The following TNXB variants were observed in gnomAD, a reference collection of about 807,000 sequenced individuals.
TNXB encodes the protein tenascin XB, also known as tenascin-X.
TNXB carries 183 observed loss-of-function variants against 340.5 expected under a neutral mutation model. That is an observed-to-expected ratio of 0.54 (90% CI 0.48 to 0.61). TNXB has a LOEUF of 0.61. TNXB is among the 20% of genes least tolerant of loss of function. The probability of loss-of-function intolerance (pLI) is 0.00; values close to 1 mark genes in which losing one functional copy is unlikely to be tolerated. For synonymous variants in TNXB, 2,121 were observed against 2,314.5 expected (o/e 0.92, Z 2.40); for missense variants, 4,613 against 5,446.4 (o/e 0.85, Z 4.82).
rs1208243428 is a variant in TNXB, at chr6:32,049,471, A to G, written c.9556T>C (p.Trp3186Arg). The stretch of plus-strand genomic sequence containing the variant: ...TCGAAGCGGCCCTGGGGGACGGTCC[A>G]GGAGAGGCTCAGCGAGTCAGGGGAG... ...GSSPDSLSLS[W>R]TVPQGRFDSF... Residue 3186 changes from tryptophan to arginine, a missense_variant, in exon 28 of 44, where the codon TGG (tryptophan) becomes CGG (arginine). By Grantham distance (101) the Trp-to-Arg change is moderately radical (BLOSUM62 -3). Around this residue, in one of 7 missense-constraint regions of TNXB, gnomAD observed 4,327 missense variants for 4,859.4 expected, o/e 0.89. Coordinates refer to ENST00000644971, the MANE Select transcript of TNXB (RefSeq NM_001365276.2). The surrounding 1 kb of genome is among the most constrained non-coding windows in gnomAD (Gnocchi z 4.5). 1 of 1,612,744 alleles carries G rather than the reference A, an allele frequency of 6.2e-7. No homozygotes were observed. Among genetic ancestry groups the G allele is most frequent in the South Asian group, 1.1e-5 (1 of 91,056 alleles).
chr6:32,070,500 C>T lies in TNXB; in HGVS notation c.4991-86G>A, dbSNP rs1206138784. 2.9e-6 allele frequency: 4 copies of T among 1,368,064 alleles called. No individual in the cohort carries two copies. The highest frequency in any genetic ancestry group is 3.9e-6 in the Non-Finnish European group (4 of 1,032,104). The allele number at this position is 1,368,064 out of a possible 1,614,324, so 84.7% of individuals were successfully genotyped here. The stretch of plus-strand genomic sequence containing the variant: ...TGGGGCTGGAAAAACCCAGAACTGC[C>T]CAAATGCTCAGTGCTTCCCCAAAAT... On this transcript the variant is annotated intron_variant, in intron 13 of 43. Coordinates refer to ENST00000644971, the MANE Select transcript of TNXB (RefSeq NM_001365276.2). This position sits in a 1 kb window ranked among gnomAD's most constrained non-coding sequence, Gnocchi z 6.0.
Position 32,048,417 on chromosome 6 carries a change from A to G in TNXB, c.9991T>C (p.Phe3331Leu). The stretch of plus-strand genomic sequence containing the variant: ...TGGCGTTTCCCATTCTGGAGTCCAA[A>G]GAGCAGGAACTTGTACTTGCGGGCC... ...DPARKYKFLLFGLQNGKRHGP... is the reference protein window; with the variant it reads ...DPARKYKFLLLGLQNGKRHGP... The change falls in exon 29 of 44, where the codon TTT becomes CTT. Residue 3331 changes from phenylalanine (F) to leucine (L), a missense_variant. Transcript: ENST00000644971. 1 of 1,547,748 alleles carries G rather than the reference A, an allele frequency of 6.5e-7. No individual in the cohort carries two copies. The highest frequency in any genetic ancestry group is 1.8e-5 in the Admixed American group (1 of 54,180).
rs2151889248 is a variant in TNXB, at chr6:32,047,380, A to C, written c.10324+354T>G. Among the ~76,000 whole-genome samples, 1 of 152,278 alleles carries C rather than the reference A, an allele frequency of 6.6e-6. No homozygotes were observed. The highest frequency in any genetic ancestry group is 2.4e-5 in the African/African-American group (1 of 41,556). On this transcript the variant is annotated intron_variant, in intron 30 of 43. Coordinates refer to ENST00000644971, the MANE Select transcript of TNXB (RefSeq NM_001365276.2). This position sits in a 1 kb window ranked among gnomAD's most constrained non-coding sequence, Gnocchi z 6.2. ...GTCAGGGAGGAGGGAGGAGGATGGGAACCACTACTGAGTCCAGCGCCATTC... is the reference window on the plus strand; with the variant it reads ...GTCAGGGAGGAGGGAGGAGGATGGGCACCACTACTGAGTCCAGCGCCATTC...
At chr6:32,107,176 A>G (rs956000507) in intron 1 of TNXB, among the ~76,000 whole-genome samples, 2 of 152,148 alleles carry the variant, frequency 1.3e-5, no homozygotes, top group African/African-American at 4.8e-5. Context: ...GGCCTCCACC[A>G]TACTTCCCCG....
At position 32,068,947 on chromosome 6, in the gene TNXB, C is replaced by A. The variant is rs748123602; in HGVS notation, c.5777G>T (p.Arg1926Leu). 1 of 1,612,880 alleles carries A rather than the reference C, an allele frequency of 6.2e-7. No homozygotes were observed. The highest frequency in any genetic ancestry group is 8.5e-7 in the Non-Finnish European group (1 of 1,179,882). Residue 1926 changes from arginine to leucine, a missense_variant, in exon 16 of 44, where the codon CGC becomes CTC. By Grantham distance (102) the Arg-to-Leu change is moderately radical (BLOSUM62 -2). Coordinates refer to ENST00000644971, the MANE Select transcript of TNXB (RefSeq NM_001365276.2). The surrounding 1 kb of genome is among the most constrained non-coding windows in gnomAD (Gnocchi z 5.3). The part of the protein sequence containing the change: ...TDRDGQLQMV[R>L]IGGDRNDITL... ...GATGTCATTCCGGTCACCTCCTATG[C>A]GGACCATTTGGAGTTGCCCGTCTCT... is the stretch of plus-strand genomic sequence containing the variant.
rs1251012845 is a variant in TNXB, at chr6:32,070,180, T to C, written c.5225A>G (p.Tyr1742Cys). ...ATGGCGCTTCTTGCCCAGGAGGCCA[T>C]AGAGGAGGAATCTGTACTTGCGGCC... ...DAGRKYRFLLYGLLGKKRHGP... is the reference protein window; with the variant it reads ...DAGRKYRFLLCGLLGKKRHGP... Residue 1742 changes from tyrosine to cysteine, a missense_variant, in exon 14 of 44, where the codon TAT (tyrosine) becomes TGT (cysteine). Around this residue, in one of 7 missense-constraint regions of TNXB, gnomAD observed 4,327 missense variants for 4,859.4 expected, o/e 0.89. Transcript: ENST00000644971. The surrounding 1 kb of genome is among the most constrained non-coding windows in gnomAD (Gnocchi z 6.0). 1.2e-6 allele frequency: 2 copies of C among 1,609,382 alleles called. No homozygotes were observed. Among genetic ancestry groups the C allele is most frequent in the Admixed American group, 3.3e-5 (2 of 59,920 alleles).
In TNXB at chr6:32,053,372, C is replaced by G; in HGVS notation, c.8791+16G>C. On this transcript the variant is annotated intron_variant, in intron 25 of 43. Coordinates refer to ENST00000644971, the MANE Select transcript of TNXB (RefSeq NM_001365276.2). ...CTCCCACAGGCCCCACTCTGGGGCT[C>G]CCATCGTACACTCACCTGTCACCCC... is the stretch of plus-strand genomic sequence containing the variant. 2 of 1,608,900 alleles carry G rather than the reference C, an allele frequency of 1.2e-6. No homozygotes were observed. The highest frequency in any genetic ancestry group is 1.7e-6 in the Non-Finnish European group (2 of 1,177,690).
intron 1 of TNXB, among the ~76,000 whole-genome samples, chr6:32,105,337 C>T (rs1780925228): frequency 6.6e-6 from 1 of 152,192 alleles, no homozygotes; most frequent in Non-Finnish European, 1.5e-5. Context: ...ATGCCATTCT[C>T]ATGTGTAGCG....
rs750359249 is a variant in TNXB, at chr6:32,056,892, C to T, written c.7837G>A (p.Glu2613Lys). 48 of 1,610,996 alleles carry T rather than the reference C, an allele frequency of 3.0e-5. No homozygotes were observed. The highest frequency in any genetic ancestry group is 3.6e-5 in the Non-Finnish European group (42 of 1,178,450). Reference sequence around the variant, plus strand: ...ATGGTAGGCACTGCTTGGGTGGTCTCGGCTTCATCCTCTGGAGTTGGACAG... The same window carrying T: ...ATGGTAGGCACTGCTTGGGTGGTCTTGGCTTCATCCTCTGGAGTTGGACAG... ...SAVGVTEDEA[E>K]TTQAVPTMTP... Residue 2613 changes from glutamate to lysine, a missense_variant, in exon 23 of 44, where the codon GAG becomes AAG. Physicochemically the swap from Glu to Lys is moderately conservative, Grantham distance 56 (BLOSUM62 1). Coordinates refer to ENST00000644971, the MANE Select transcript of TNXB (RefSeq NM_001365276.2).
chr6:32,063,593 G>A (rs561021867), intron 19 of TNXB, among the ~76,000 whole-genome samples: 3 of 152,296 alleles, frequency 2.0e-5, no homozygotes, highest in Non-Finnish European at 4.4e-5. Flanking sequence ...GTTGTCTCTG[G>A]ACCTGCAGTA....
chr6:32,064,998 C>T lies in TNXB; in HGVS notation c.6664G>A (p.Asp2222Asn). Reference sequence around the variant, plus strand: ...TTCTTAAACTGGACCAAGAAATGGTCAAACTGGCCCTCGGGGACTGTCCAG... The same window carrying T: ...TTCTTAAACTGGACCAAGAAATGGTTAAACTGGCCCTCGGGGACTGTCCAG... ...LSWTVPEGQF[D>N]HFLVQFKNGD... The change falls in exon 19 of 44, where the codon GAC (aspartate) becomes AAC (asparagine). Residue 2222 changes from aspartate to asparagine, a missense_variant. By Grantham distance (23) the Asp-to-Asn change is conservative (BLOSUM62 1). Transcript: ENST00000644971. The surrounding 1 kb of genome is among the most constrained non-coding windows in gnomAD (Gnocchi z 5.3). 6.2e-7 allele frequency: 1 copy of T among 1,612,380 alleles called. No homozygotes were observed. Among genetic ancestry groups the T allele is most frequent in the Non-Finnish European group, 8.5e-7 (1 of 1,179,630 alleles).
Position 32,050,050 on chromosome 6 carries a change from G to A in TNXB, c.9387C>T (p.Tyr3129=), listed in dbSNP as rs758299854. 7.1e-5 allele frequency: 115 copies of A among 1,613,676 alleles called. No individual in the cohort carries two copies. Among genetic ancestry groups the A allele is most frequent in the Non-Finnish European group, 8.9e-5 (105 of 1,179,888 alleles). The change falls in exon 27 of 44, where the codon TAC becomes TAT. Residue 3129 remains tyrosine, a synonymous_variant. Transcript: ENST00000644971. ...CTACGCGCTGGCCACCGTGGAAGCC[G>A]TACAGGTTCATCTTGTATTTATGGT... ...EPDHKYKMNL[Y]GFHGGQRVGP... is the part of the protein sequence containing the mutation.
chr6:32,060,052 T>C (rs1777914427), intron 21 of TNXB, among the ~76,000 whole-genome samples: 1 of 151,940 alleles, frequency 6.6e-6, no homozygotes, highest in Non-Finnish European at 1.5e-5. Flanking sequence ...GAAATAAGTC[T>C]GGCTGGGCGC....
intron 1 of TNXB, among the ~76,000 whole-genome samples, chr6:32,099,335 T>C (rs1246620841): frequency 6.6e-6 from 1 of 151,462 alleles, no homozygotes; most frequent in Non-Finnish European, 1.5e-5. Flanking sequence ...CTAGCTCAAG[T>C]GATTTTCCTG....
intron 24 of TNXB, among the ~76,000 whole-genome samples, chr6:32,054,494 T>C (rs1777512923): frequency 6.6e-6 from 1 of 152,232 alleles, no homozygotes; most frequent in Non-Finnish European, 1.5e-5. Flanking sequence ...ATGCTCTTTC[T>C]AGCCTCCTGG....
In TNXB at chr6:32,096,956, G is replaced by A. The variant is rs753053853; in HGVS notation, c.897C>T (p.Pro299=). The change falls in exon 3 of 44, where the codon CCC becomes CCT. Residue 299 remains proline, a synonymous_variant. Coordinates refer to ENST00000644971, the MANE Select transcript of TNXB (RefSeq NM_001365276.2). ...CCCCACAGTCCTCGCCAGTGTAGCC[G>A]GGGTTACACACGCAGCGCCCATTCT... The part of the protein sequence containing the change: ...RCENGRCVCN[P]GYTGEDCGVR... 3 of 1,591,050 alleles carry A rather than the reference G, an allele frequency of 1.9e-6. No homozygotes were observed. Among genetic ancestry groups the A allele is most frequent in the African/African-American group, 1.4e-5 (1 of 73,258 alleles).
At chr6:32,093,441 ATAG>A in intron 4 of TNXB, 3 of 700,340 alleles carry the variant, frequency 4.3e-6, no homozygotes, top group East Asian at 2.7e-5. Context: ...GAGGCAGAAC[ATAG>A]TAGGGGGCTG....
In TNXB at chr6:32,082,340, G is replaced by T. The variant is rs372804923; in HGVS notation, c.3446-14C>A. ...CACTCTGAGGCACTAGGAAGAGTGGGTAGAGAGAAGGGAGAGACTTAGGTC... is the reference window on the plus strand; with the variant it reads ...CACTCTGAGGCACTAGGAAGAGTGGTTAGAGAGAAGGGAGAGACTTAGGTC... On this transcript the variant is annotated splice_polypyrimidine_tract_variant and intron_variant, in intron 8 of 43. Coordinates refer to ENST00000644971, the MANE Select transcript of TNXB (RefSeq NM_001365276.2). This position sits in a 1 kb window ranked among gnomAD's most constrained non-coding sequence, Gnocchi z 5.0. The T allele has an allele frequency of 7.0e-6, 11 of 1,577,376 alleles. No individual in the cohort carries two copies. In the African/African-American group the frequency reaches 1.5e-4, roughly 21 times the overall value.
chr6:32,086,181 A>C, intron 6 of TNXB, 63 bp from the exon 7 acceptor site: 1 of 1,429,348 alleles, frequency 7.0e-7, no homozygotes, highest in African/African-American at 1.4e-5. Flanking sequence ...AGGAATCCCC[A>C]GTCCCCAGGT....
Sources: allele counts gnomAD v4.1 joint callset (sites outside exome capture counted in the v4.1 genomes callset), GRCh38; gene constraint gnomAD v4.1.1; regional missense constraint gnomAD v4.1.1; non-coding constraint Gnocchi (gnomAD v3.1); transcripts MANE v1.5; gene names NCBI Gene and HGNC (gene_info 2026-07-23, HGNC 2026-07-21).